The following KPNA1 variants were observed in gnomAD, a reference collection of about 807,000 sequenced individuals.
KPNA1 encodes karyopherin subunit alpha 1.
Under a neutral mutation model 70.5 loss-of-function variants are expected in KPNA1, and 10 were observed. The observed-to-expected ratio is 0.14, with a 90% CI of 0.09 to 0.24. The LOEUF (loss-of-function observed/expected upper bound fraction) is 0.24, where lower values mean the gene tolerates loss of function less well. Ranked by LOEUF, KPNA1 falls within the 10% of genes least tolerant of loss-of-function variation. The probability of loss-of-function intolerance (pLI) is 1.00; values close to 1 mark genes in which losing one functional copy is unlikely to be tolerated. For synonymous variants in KPNA1, 192 were observed against 221.9 expected, an observed-to-expected ratio of 0.87 and a Z score of 1.20; for missense variants, 397 against 637.9, an observed-to-expected ratio of 0.62 and a Z score of 4.07.
At chr3:122,440,276 G>C (rs1471854977) in intron 10 of KPNA1, among the ~76,000 whole-genome samples, 2 of 151,818 alleles carry the variant, frequency 1.3e-5, no homozygotes, top group Non-Finnish European at 2.9e-5. Context: ...GGGTCAAACA[G>C]GGCTTCTCAG....
Position 122,466,958 on chromosome 3 carries a change from G to A in KPNA1, c.237+364C>T, listed in dbSNP as rs1257974233. Reference sequence around the variant, plus strand: ...CGAGGTTGCAGTGACCTACGATTGCGCCACTGCACTCCAACCTGGGCAACA... The same window carrying A: ...CGAGGTTGCAGTGACCTACGATTGCACCACTGCACTCCAACCTGGGCAACA... On this transcript the variant is annotated intron_variant, in intron 3 of 13. Transcript: ENST00000344337. Among the ~76,000 whole-genome samples the A allele has an allele frequency of 2.6e-5, 4 of 151,572 alleles. No individual in the cohort carries two copies. The East Asian group carries it at 5.8e-4, about 22-fold the overall frequency.
Position 122,424,176 on chromosome 3 carries a change from G to A in KPNA1, c.*2809C>T, listed in dbSNP as rs1161365160. The A allele has an allele frequency of 6.6e-6, 1 of 152,100 alleles. No individual in the cohort carries two copies. Among genetic ancestry groups the A allele is most frequent in the Non-Finnish European group, 1.5e-5 (1 of 67,990 alleles). The allele number at this position is 152,100 out of a possible 1,614,324, so 9.4% of individuals were successfully genotyped here. On this transcript the variant is annotated 3_prime_UTR_variant, in exon 14 of 14. Transcript: ENST00000344337. ...TTTGGAGGATGGAGGGGAATAAAAAGGAAAAGTAAAACAAAGTCACTTTCC... is the reference window on the plus strand; with the variant it reads ...TTTGGAGGATGGAGGGGAATAAAAAAGAAAAGTAAAACAAAGTCACTTTCC...
chr3:122,500,226 A>T (rs1447185249), intron 1 of KPNA1, among the ~76,000 whole-genome samples: 1 of 151,964 alleles, frequency 6.6e-6, no homozygotes, highest in African/African-American at 2.4e-5. Context: ...GGTTCAAGCC[A>T]TTCTCCTGCC....
intron 2 of KPNA1, among the ~76,000 whole-genome samples, chr3:122,494,552 T>C (rs2107496351): frequency 6.6e-6 from 1 of 152,328 alleles, no homozygotes; most frequent in East Asian, 1.9e-4. Context: ...AGTATAATTT[T>C]ACATCAGGTA....
intron 2 of KPNA1, among the ~76,000 whole-genome samples, chr3:122,486,044 A>T (rs1303735353): frequency 6.6e-6 from 1 of 152,220 alleles, no homozygotes; most frequent in Non-Finnish European, 1.5e-5. Context: ...AAGGTAAAAT[A>T]GTACAACCTA....
intron 10 of KPNA1, among the ~76,000 whole-genome samples, chr3:122,441,165 G>A (rs1207373508): frequency 6.6e-6 from 1 of 152,202 alleles, no homozygotes; most frequent in Non-Finnish European, 1.5e-5. Flanking sequence ...GAGACAAGAG[G>A]AAAAGGAGCT....
Position 122,431,316 on chromosome 3 carries a change from C to T in KPNA1, c.1250+2345G>A, listed in dbSNP as rs147700620. On this transcript the variant is annotated intron_variant, in intron 12 of 13. Transcript: ENST00000344337. ...AAGTAGCTGGAACTACAGGAGAACA[C>T]CAACACGCCCAGCTAATTTTTGTAG... Among the ~76,000 whole-genome samples, 38 of 144,052 alleles carry T rather than the reference C, an allele frequency of 2.6e-4. No individual in the cohort carries two copies. The East Asian group carries it at 7.2e-3, about 27-fold the overall frequency. 94.5% of individuals were successfully genotyped at this position (144,052 alleles called of 152,430 possible). A position where few individuals can be genotyped will look rare whatever the true frequency, so the allele number is the denominator to read the frequency against.
intron 10 of KPNA1, among the ~76,000 whole-genome samples, chr3:122,439,714 A>C (rs1027525156): frequency 8.5e-5 from 13 of 152,192 alleles, no homozygotes; most frequent in Non-Finnish European, 1.3e-4. Context: ...GTAACTGCTT[A>C]GGACAGTCGG....
At chr3:122,431,154 C>T (rs545905272) in intron 12 of KPNA1, among the ~76,000 whole-genome samples, 1 of 152,172 alleles carries the variant, frequency 6.6e-6, no homozygotes, top group South Asian at 2.1e-4. Context: ...TAGATGTTTC[C>T]TAAAACATTC....
chr3:122,489,289 T>A (rs1327598198), intron 2 of KPNA1, among the ~76,000 whole-genome samples: 2 of 151,410 alleles, frequency 1.3e-5, no homozygotes, highest in Admixed American at 1.3e-4. Context: ...TTGTTTGTTT[T>A]TTTTTGTTTG....
At chr3:122,498,191 A>G (rs765434036) in intron 1 of KPNA1, among the ~76,000 whole-genome samples, 1 of 152,258 alleles carries the variant, frequency 6.6e-6, no homozygotes, top group Non-Finnish European at 1.5e-5. Flanking sequence ...TGTCTCACCC[A>G]AAATTCATAT....
intron 9 of KPNA1, among the ~76,000 whole-genome samples, chr3:122,445,167 G>C (rs2076120209): frequency 6.6e-6 from 1 of 152,166 alleles, no homozygotes; most frequent in Non-Finnish European, 1.5e-5. Context: ...ACAAAGGTTA[G>C]ACCAACGGCT....
chr3:122,513,086 TAAAGA>T (rs1349761488), intron 1 of KPNA1, among the ~76,000 whole-genome samples: 4 of 152,104 alleles, frequency 2.6e-5, no homozygotes, highest in African/African-American at 4.8e-5. Context: ...ACGGATTAAA[TAAAGA>T]AAACAACGAA....
intron 10 of KPNA1, among the ~76,000 whole-genome samples, chr3:122,437,961 C>A (rs1230035487): frequency 6.6e-6 from 1 of 152,202 alleles, no homozygotes; most frequent in Non-Finnish European, 1.5e-5. Context: ...CTTCCAATGA[C>A]TTGTGGCTAT....
Position 122,424,156 on chromosome 3 carries a change from A to C in KPNA1, c.*2829T>G, listed in dbSNP as rs1157764883. 7 of 152,156 alleles carry C rather than the reference A, an allele frequency of 4.6e-5. No homozygotes were observed. The highest frequency in any genetic ancestry group is 9.7e-5 in the African/African-American group (4 of 41,434). The allele number at this position is 152,156 out of a possible 1,614,324, so 9.4% of individuals were successfully genotyped here. The stretch of plus-strand genomic sequence containing the variant: ...CAAATAATATAGATTGGAAGTTTGG[A>C]GGATGGAGGGGAATAAAAAGGAAAA... On this transcript the variant is annotated 3_prime_UTR_variant, in exon 14 of 14. Coordinates refer to ENST00000344337, the MANE Select transcript of KPNA1 (RefSeq NM_002264.4).
intron 7 of KPNA1, 47 bp from the exon 8 acceptor site, chr3:122,451,680 T>C (rs759734357): frequency 2.5e-6 from 3 of 1,206,478 alleles, no homozygotes. Flanking sequence ...AGACAGTGAT[T>C]ATCTGATGAC....
At chr3:122,448,753 G>GA (rs528588256) in intron 9 of KPNA1, among the ~76,000 whole-genome samples, 107 of 132,262 alleles carry the variant, frequency 8.1e-4, no homozygotes, top group Middle Eastern at 3.8e-3. Flanking sequence ...TTTTAAAAAA[G>GA]AAAAAAAAAA....
At chr3:122,512,790 A>G (rs2076969493) in intron 1 of KPNA1, among the ~76,000 whole-genome samples, 1 of 152,242 alleles carries the variant, frequency 6.6e-6, no homozygotes, top group Non-Finnish European at 1.5e-5. Context: ...TTTCTAATTT[A>G]GTTTATTCTA....
intron 5 of KPNA1, among the ~76,000 whole-genome samples, chr3:122,456,821 G>C (rs1352088577): frequency 6.6e-6 from 1 of 152,150 alleles, no homozygotes. Context: ...GCTATTATTG[G>C]GGATAGAAGT....
Sources: gnomAD v4.1 joint callset for allele counts (sites outside exome capture counted in the v4.1 genomes callset) on GRCh38, gnomAD v4.1.1 for gene constraint, MANE v1.5 for transcripts, NCBI Gene and HGNC (gene_info 2026-07-23, HGNC 2026-07-21) for gene names.